EXOC2: variants seen among roughly 807,000 people sequenced by gnomAD.
EXOC2 encodes the protein exocyst complex component 2.
Under a neutral mutation model 131.8 loss-of-function variants are expected in EXOC2, and 70 were observed. The ratio of observed to expected loss-of-function variants is 0.53; its 90% CI spans 0.44 to 0.65. EXOC2 has a LOEUF of 0.65. Ranked by LOEUF, EXOC2 falls within the 30% of genes least tolerant of loss-of-function variation. The pLI is 0.00. For synonymous variants in EXOC2, 411 were observed against 398.4 expected (o/e 1.03, Z -0.38); for missense variants, 923 against 1,108.6 (o/e 0.83, Z 2.38).
At position 533,882 on chromosome 6, in the gene EXOC2, T is replaced by C. The variant is rs545823431; in HGVS notation, c.2239-1272A>G. On this transcript the variant is annotated intron_variant, in intron 22 of 27. Transcript: ENST00000230449. ...AGCTGCAACGAACTACAGTGAAAAA[T>C]AAACACACGTCTAAGGGAGTCCGCT... is the stretch of plus-strand genomic sequence containing the variant. 3.3e-5 allele frequency among the ~76,000 whole-genome samples: 5 copies of C among 151,994 alleles called. No homozygotes were observed. In the East Asian group the frequency reaches 9.7e-4, roughly 30 times the overall value.
intron 7 of EXOC2, among the ~76,000 whole-genome samples, chr6:601,243 TAC>T: frequency 7.1e-6 from 1 of 141,550 alleles, no homozygotes; most frequent in East Asian, 2.1e-4. Flanking sequence ...ACACCCCGTG[TAC>T]GAATCCACAC....
intron 23 of EXOC2, among the ~76,000 whole-genome samples, chr6:511,363 T>G (rs1764835654): frequency 6.6e-6 from 1 of 152,006 alleles, no homozygotes; most frequent in South Asian, 2.1e-4. Flanking sequence ...CACCTTGAAA[T>G]TAAAAACAAT....
At chr6:495,899 T>C (rs11966791) in intron 25 of EXOC2, among the ~76,000 whole-genome samples, 7,166 of 151,798 alleles carry the variant, frequency 0.047, 544 homozygotes, top group African/African-American at 0.16. Context: ...CTTGCTTTTT[T>C]CCCCCAATTA....
At chr6:641,658 A>G (rs931140779) in intron 1 of EXOC2, among the ~76,000 whole-genome samples, 26 of 152,220 alleles carry the variant, frequency 1.7e-4, no homozygotes, top group African/African-American at 6.0e-4. Flanking sequence ...AGACAACTCA[A>G]GGTTACCTTG....
intron 7 of EXOC2, among the ~76,000 whole-genome samples, chr6:600,243 T>C (rs1760056838): frequency 6.6e-6 from 1 of 152,248 alleles, no homozygotes; most frequent in African/African-American, 2.4e-5. Context: ...AAAGGCCTCA[T>C]ATAAAAACTT....
At chr6:574,028 T>G (rs975048420) in intron 12 of EXOC2, among the ~76,000 whole-genome samples, 6 of 152,184 alleles carry the variant, frequency 3.9e-5, no homozygotes, top group Admixed American at 3.9e-4. Flanking sequence ...GATCCTGGAG[T>G]TCTTCTGTAT....
intron 22 of EXOC2, among the ~76,000 whole-genome samples, chr6:540,352 G>C (rs114773150): frequency 0.014 from 2,147 of 152,250 alleles, 24 homozygotes; most frequent in Middle Eastern, 0.031. Context: ...TATCCTTGAC[G>C]ATTTGATTTT....
chr6:540,092 G>A (rs529300973), intron 22 of EXOC2, among the ~76,000 whole-genome samples: 1 of 152,270 alleles, frequency 6.6e-6, no homozygotes, highest in South Asian at 2.1e-4. Flanking sequence ...GGGCTTCCAA[G>A]CCACACATGC....
chr6:525,793 TGTC>T (rs1400620054), intron 23 of EXOC2, among the ~76,000 whole-genome samples: 1 of 152,184 alleles, frequency 6.6e-6, no homozygotes, highest in African/African-American at 2.4e-5. Flanking sequence ...ATAGATACAT[TGTC>T]TTTTTCAATA....
At chr6:528,452 A>G (rs1406817670) in intron 23 of EXOC2, among the ~76,000 whole-genome samples, 2 of 152,234 alleles carry the variant, frequency 1.3e-5, no homozygotes, top group African/African-American at 4.8e-5. Context: ...AAAAATCACT[A>G]TATGACTATG....
chr6:617,815 G>A lies in EXOC2; in HGVS notation c.557C>T (p.Ala186Val). ...AGCCTGTCTCTTTAGGTTGGTGACT[G>A]CCATTTTGAGCTGCTCAAAACTGAA... ...SNTSFEQLKM[A>V]VTNLKRQANK... Residue 186 changes from alanine (A) to valine (V), a missense_variant, in exon 6 of 28, where the codon GCA (alanine) becomes GTA (valine). By Grantham distance (64) the Ala-to-Val change is moderately conservative (BLOSUM62 0). Coordinates refer to ENST00000230449, the MANE Select transcript of EXOC2 (RefSeq NM_018303.6). 1.9e-6 allele frequency: 3 copies of A among 1,613,292 alleles called. No homozygotes were observed. Among genetic ancestry groups the A allele is most frequent in the Non-Finnish European group, 2.5e-6 (3 of 1,179,638 alleles).
At position 656,365 on chromosome 6, in the gene EXOC2, C is replaced by G. The variant is rs1220361623; in HGVS notation, c.-43-18504G>C. On this transcript the variant is annotated intron_variant, in intron 1 of 27. Transcript: ENST00000230449. ...CTTTGAATGGACACCACCTCCGTCTCTATACTCAGGGTCATCCTGCCACTG... is the reference window on the plus strand; with the variant it reads ...CTTTGAATGGACACCACCTCCGTCTGTATACTCAGGGTCATCCTGCCACTG... 2 of 1,614,102 alleles carry G rather than the reference C, an allele frequency of 1.2e-6. No individual in the cohort carries two copies. The highest frequency in any genetic ancestry group is 1.7e-6 in the Non-Finnish European group (2 of 1,180,046).
At chr6:659,618 T>C (rs1004276182) in intron 1 of EXOC2, among the ~76,000 whole-genome samples, 2 of 152,168 alleles carry the variant, frequency 1.3e-5, no homozygotes, top group East Asian at 3.8e-4. Context: ...AAGGTCTGTT[T>C]GCGGGAGAAG....
At chr6:599,456 C>T (rs1760006004) in intron 7 of EXOC2, among the ~76,000 whole-genome samples, 1 of 152,176 alleles carries the variant, frequency 6.6e-6, no homozygotes, top group African/African-American at 2.4e-5. Flanking sequence ...ACCATATTTA[C>T]CATGCCCAAA....
intron 1 of EXOC2, among the ~76,000 whole-genome samples, chr6:648,038 T>G (rs891138500): frequency 6.6e-6 from 1 of 152,204 alleles, no homozygotes; most frequent in Non-Finnish European, 1.5e-5. Flanking sequence ...AAGAATTACC[T>G]ACATATATCC....
intron 11 of EXOC2, among the ~76,000 whole-genome samples, chr6:589,081 A>G (rs1759377747): frequency 1.3e-5 from 2 of 152,266 alleles, no homozygotes; most frequent in Admixed American, 1.3e-4. Context: ...ATACCAAATT[A>G]GGTATTCAGT....
chr6:556,208 G>A (rs985329878), intron 18 of EXOC2, among the ~76,000 whole-genome samples, 195 bp from the exon 19 acceptor site: 3 of 152,128 alleles, frequency 2.0e-5, no homozygotes, highest in African/African-American at 4.8e-5. Flanking sequence ...AGAAGACAAC[G>A]CAGTCCTGGG....
At chr6:534,033 G>T (rs1766274880) in intron 22 of EXOC2, among the ~76,000 whole-genome samples, 1 of 152,188 alleles carries the variant, frequency 6.6e-6, no homozygotes, top group Non-Finnish European at 1.5e-5. Context: ...AAGATTTCCA[G>T]AGGTGAAACA....
intron 23 of EXOC2, among the ~76,000 whole-genome samples, chr6:504,414 A>G (rs575162572): frequency 6.6e-6 from 1 of 152,360 alleles, no homozygotes; most frequent in East Asian, 1.9e-4. Context: ...TCCTGGCGGC[A>G]GGACCAGAAT....
Sources: gnomAD v4.1 joint callset for allele counts (sites outside exome capture counted in the v4.1 genomes callset) on GRCh38, gnomAD v4.1.1 for gene constraint, MANE v1.5 for transcripts, NCBI Gene and HGNC (gene_info 2026-07-23, HGNC 2026-07-21) for gene names.